Variants in PHACTR1 observed in about 807,000 individuals in gnomAD.
PHACTR1 encodes phosphatase and actin regulator 1.
PHACTR1 carries 16 observed loss-of-function variants against 69.2 expected under a neutral mutation model. The ratio of observed to expected loss-of-function variants is 0.23; its 90% CI spans 0.16 to 0.35. PHACTR1 has a LOEUF of 0.35. Ranked by LOEUF, PHACTR1 falls within the 10% of genes least tolerant of loss-of-function variation. The pLI is 1.00. For missense variants in PHACTR1, 510 were observed against 734.7 expected (o/e 0.69, Z 3.54); for synonymous variants, 312 against 284.5 (o/e 1.10, Z -0.97).
chr6:12,793,983 A>G (rs1383366426), intron 4 of PHACTR1, among the ~76,000 whole-genome samples: 1 of 152,228 alleles, frequency 6.6e-6, no homozygotes, highest in Non-Finnish European at 1.5e-5. Flanking sequence ...TGGAGCTATA[A>G]AGAGAAATAA....
chr6:13,282,695 T>C (rs1780551663), intron 12 of PHACTR1, among the ~76,000 whole-genome samples: 1 of 152,102 alleles, frequency 6.6e-6, no homozygotes, highest in African/African-American at 2.4e-5. Context: ...CCACACAAAA[T>C]GCACTGCAAA....
At chr6:12,896,046 C>T (rs959644640) in intron 4 of PHACTR1, among the ~76,000 whole-genome samples, 11 of 152,216 alleles carry the variant, frequency 7.2e-5, no homozygotes, top group Non-Finnish European at 1.3e-4. Context: ...GCTGCAAGTT[C>T]TGCATGCTAA....
intron 8 of PHACTR1, among the ~76,000 whole-genome samples, chr6:13,214,616 G>T (rs1006133537): frequency 1.3e-5 from 2 of 152,178 alleles, no homozygotes; most frequent in Admixed American, 6.5e-5. Flanking sequence ...TTAACTTCCA[G>T]AATTTTACGC....
intron 10 of PHACTR1, among the ~76,000 whole-genome samples, chr6:13,261,880 T>C (rs1212659039): frequency 6.6e-6 from 1 of 152,098 alleles, no homozygotes; most frequent in Non-Finnish European, 1.5e-5. Flanking sequence ...AGGAAGGGCA[T>C]GCAAATCTGG....
intron 8 of PHACTR1, among the ~76,000 whole-genome samples, chr6:13,226,615 G>A (rs73725628): frequency 0.057 from 8,608 of 152,118 alleles, 444 homozygotes; most frequent in African/African-American, 0.13. Flanking sequence ...TAGATTTCAT[G>A]CAAAGCCTGT....
At chr6:12,838,724 C>T (rs1778407060) in intron 4 of PHACTR1, among the ~76,000 whole-genome samples, 1 of 152,104 alleles carries the variant, frequency 6.6e-6, no homozygotes, top group Non-Finnish European at 1.5e-5. Context: ...AAAATAATTT[C>T]ATTCAATAGC....
At chr6:13,273,905 C>CCCCCCCCCCCCCCCCCCCCCCCA (rs1778306173) in intron 11 of PHACTR1, 1 of 131,994 alleles carries the variant, frequency 7.6e-6, no homozygotes. Context: ...TCCCCCGGCC[C>CCCCCCCCCCCCCCCCCCCCCCCA]CCCCGCCCCG....
intron 4 of PHACTR1, among the ~76,000 whole-genome samples, chr6:12,779,700 C>T (rs972091098): frequency 2.0e-5 from 3 of 152,082 alleles, no homozygotes; most frequent in Admixed American, 6.6e-5. Flanking sequence ...TTCTGTTTAT[C>T]GAAACGGCTA....
chr6:13,044,101 A>G (rs541951395), intron 4 of PHACTR1, among the ~76,000 whole-genome samples: 3 of 152,214 alleles, frequency 2.0e-5, no homozygotes, highest in Non-Finnish European at 4.4e-5. Flanking sequence ...TTAAATTTAA[A>G]TATTTAAAAT....
chr6:13,045,889 G>C (rs1021117121), intron 4 of PHACTR1, among the ~76,000 whole-genome samples: 1 of 152,212 alleles, frequency 6.6e-6, no homozygotes, highest in East Asian at 1.9e-4. Flanking sequence ...AGACAAAGGA[G>C]GAAGTTGGCC....
At position 13,014,552 on chromosome 6, in the gene PHACTR1, A is replaced by T. The variant is rs115555345; in HGVS notation, c.251-38813A>T. Among the ~76,000 whole-genome samples, 733 of 152,240 alleles carry T rather than the reference A, an allele frequency of 4.8e-3. 4 individuals carry two copies. The highest frequency in any genetic ancestry group is 0.017 in the African/African-American group (699 of 41,550). On this transcript the variant is annotated intron_variant, in intron 4 of 14. Transcript: ENST00000332995. ...GGGTTTGCTGGACTGCGTTACGGAC[A>T]TGGGCTTCCTTCGGGTGGCATCAGT...
intron 4 of PHACTR1, among the ~76,000 whole-genome samples, chr6:12,885,265 C>G (rs1444925053): frequency 6.6e-6 from 1 of 152,202 alleles, no homozygotes; most frequent in Non-Finnish European, 1.5e-5. Flanking sequence ...CCATGTGCAT[C>G]TGGTACTGTT....
chr6:13,010,776 G>A (rs1469331683), intron 4 of PHACTR1, among the ~76,000 whole-genome samples: 2 of 151,950 alleles, frequency 1.3e-5, no homozygotes, highest in Non-Finnish European at 2.9e-5. Context: ...GTGACACTGA[G>A]CGTGATCACA....
chr6:12,895,080 A>G (rs1784520789), intron 4 of PHACTR1, among the ~76,000 whole-genome samples: 1 of 152,084 alleles, frequency 6.6e-6, no homozygotes, highest in South Asian at 2.1e-4. Context: ...AAACCTGCAG[A>G]ATTGCTTTTA....
chr6:12,749,906 A>G (rs1766367084), intron 4 of PHACTR1, 116 bp downstream of exon 4: 2 of 986,912 alleles, frequency 2.0e-6, no homozygotes, highest in South Asian at 1.7e-5. Context: ...TCGGGCGCTC[A>G]GCACTCGCGC....
intron 4 of PHACTR1, among the ~76,000 whole-genome samples, chr6:12,866,899 C>T (rs769471443): frequency 2.0e-5 from 3 of 152,140 alleles, no homozygotes; most frequent in South Asian, 4.2e-4. Flanking sequence ...AAAGGAAATA[C>T]GTGGTACCGT....
intron 4 of PHACTR1, among the ~76,000 whole-genome samples, chr6:12,993,821 A>C: frequency 6.6e-6 from 1 of 152,196 alleles, no homozygotes; most frequent in Admixed American, 6.5e-5. Context: ...CCAGGCCATT[A>C]GAGTCATTGG....
chr6:12,746,488 A>T (rs1377750343), intron 3 of PHACTR1, among the ~76,000 whole-genome samples: 1 of 152,222 alleles, frequency 6.6e-6, no homozygotes, highest in Non-Finnish European at 1.5e-5. Flanking sequence ...CAGTGAGTCG[A>T]GACTGCATCA....
rs1176063740 is a variant in PHACTR1 at position 12,749,885 on chromosome 6, G to T, written c.250+95G>T. On this transcript the variant is annotated intron_variant, in intron 4 of 14. Transcript: ENST00000332995. ...GCCCCTCCCGGGCGTCCTCCCCGCC[G>T]CCCCCCGCAGTCGGGCGCTCAGCAC... The T allele has an allele frequency of 8.4e-6, 10 of 1,191,772 alleles. No individual in the cohort carries two copies. The African/African-American group carries it at 1.5e-4, about 17-fold the overall frequency. The allele number at this position is 1,191,772 out of a possible 1,614,324, so 73.8% of individuals were successfully genotyped here. A position where few individuals can be genotyped will look rare whatever the true frequency, so the allele number is the denominator to read the frequency against.
Sources: gnomAD v4.1 joint callset for allele counts (sites outside exome capture counted in the v4.1 genomes callset) on GRCh38, gnomAD v4.1.1 for gene constraint, MANE v1.5 for transcripts, NCBI Gene and HGNC (gene_info 2026-07-23, HGNC 2026-07-21) for gene names.